Variants in CCSER1 observed in about 807,000 individuals in gnomAD.
CCSER1 encodes serine-rich coiled-coil domain-containing protein 1.
Under a neutral mutation model 82.0 loss-of-function variants are expected in CCSER1, and 41 were observed. That is an observed-to-expected ratio of 0.50 (90% CI 0.39 to 0.65). The LOEUF (loss-of-function observed/expected upper bound fraction) is 0.65, where lower values mean the gene tolerates loss of function less well. Among genes scored for constraint, CCSER1 ranks in the 30% least tolerant of loss-of-function variants. CCSER1 has a pLI of 0.00. For synonymous variants in CCSER1, 414 were observed against 383.9 expected (o/e 1.08, Z -0.92); for missense variants, 1,119 against 1,064.2 (o/e 1.05, Z -0.72).
At chr4:91,036,362 T>C (rs1239897959) in intron 9 of CCSER1, among the ~76,000 whole-genome samples, 3 of 152,196 alleles carry the variant, frequency 2.0e-5, no homozygotes, top group African/African-American at 7.2e-5. Flanking sequence ...TTTCTTTAAA[T>C]CTATAAATTC....
chr4:90,465,032 C>T (rs549468908), intron 4 of CCSER1, among the ~76,000 whole-genome samples: 110 of 152,092 alleles, frequency 7.2e-4, no homozygotes, highest in Non-Finnish European at 1.4e-3. Context: ...GGTGTGATCT[C>T]GGCTCACTGC....
chr4:90,638,427 C>A (rs1725832798), intron 6 of CCSER1, among the ~76,000 whole-genome samples: 1 of 152,026 alleles, frequency 6.6e-6, no homozygotes, highest in Non-Finnish European at 1.5e-5. Flanking sequence ...ACAACAATGA[C>A]CATTTATCAT....
At chr4:91,576,534 T>C (rs1034038409) in intron 10 of CCSER1, among the ~76,000 whole-genome samples, 17 of 151,986 alleles carry the variant, frequency 1.1e-4, no homozygotes, top group African/African-American at 4.1e-4. Context: ...TAGTAGGTCT[T>C]AGATACAGGT....
intron 10 of CCSER1, among the ~76,000 whole-genome samples, 169 bp downstream of exon 10, chr4:91,086,163 A>G (rs1282255375): frequency 6.6e-6 from 1 of 152,090 alleles, no homozygotes; most frequent in Non-Finnish European, 1.5e-5. Flanking sequence ...AGCATATTTT[A>G]CATGTTTATG....
At chr4:90,996,500 A>G (rs1380300460) in intron 9 of CCSER1, among the ~76,000 whole-genome samples, 1 of 152,122 alleles carries the variant, frequency 6.6e-6, no homozygotes, top group Non-Finnish European at 1.5e-5. Flanking sequence ...AATAGATTGA[A>G]ATAGTACAAC....
chr4:90,348,280 A>C (rs904921352), intron 3 of CCSER1, among the ~76,000 whole-genome samples: 1 of 152,224 alleles, frequency 6.6e-6, no homozygotes, highest in African/African-American at 2.4e-5. Context: ...AAAGTTAAAA[A>C]AAAGGTATCA....
At chr4:90,840,633 A>T (rs998523045) in intron 8 of CCSER1, among the ~76,000 whole-genome samples, 6 of 152,244 alleles carry the variant, frequency 3.9e-5, no homozygotes, top group Non-Finnish European at 8.8e-5. Flanking sequence ...TTCATAGTTC[A>T]TATATTTTAT....
At chr4:90,685,238 A>G (rs13113267) in intron 6 of CCSER1, among the ~76,000 whole-genome samples, 135,496 of 151,892 alleles carry the variant, frequency 0.89, 60,490 homozygotes, top group East Asian at 0.99. Context: ...CATCAACTTC[A>G]GGCTAGAACA....
intron 10 of CCSER1, among the ~76,000 whole-genome samples, chr4:91,095,754 G>T (rs923243975): frequency 6.6e-6 from 1 of 152,038 alleles, no homozygotes; most frequent in African/African-American, 2.4e-5. Context: ...GGCCTTCTGA[G>T]CCCCTTTTTT....
chr4:91,130,802 T>C (rs1393434532), intron 10 of CCSER1, among the ~76,000 whole-genome samples: 1 of 151,844 alleles, frequency 6.6e-6, no homozygotes, highest in Non-Finnish European at 1.5e-5. Flanking sequence ...TAAAATGCAA[T>C]GTTAATAATA....
At chr4:90,349,209 G>A (rs1447602399) in intron 3 of CCSER1, among the ~76,000 whole-genome samples, 1 of 151,944 alleles carries the variant, frequency 6.6e-6, no homozygotes, top group Non-Finnish European at 1.5e-5. Context: ...TATTTAGTAG[G>A]CATGAAATTA....
intron 8 of CCSER1, among the ~76,000 whole-genome samples, chr4:90,849,790 TA>T (rs750879193): frequency 0.25 from 19,261 of 77,108 alleles, 1,317 homozygotes; most frequent in South Asian, 0.36. Context: ...CTCCATCTCA[TA>T]AAAAAAAAAA....
At chr4:90,483,870 G>A (rs1357774474) in intron 5 of CCSER1, among the ~76,000 whole-genome samples, 1 of 152,070 alleles carries the variant, frequency 6.6e-6, no homozygotes, top group African/African-American at 2.4e-5. Flanking sequence ...CTCTTCTTGT[G>A]GAGTATCTTT....
intron 1 of CCSER1, among the ~76,000 whole-genome samples, chr4:90,197,324 T>C (rs930605280): frequency 1.3e-5 from 2 of 152,036 alleles, no homozygotes; most frequent in Non-Finnish European, 2.9e-5. Flanking sequence ...TCATATACTG[T>C]TGGTGGGAAT....
At chr4:90,729,355 A>G (rs1744285374) in intron 7 of CCSER1, among the ~76,000 whole-genome samples, 1 of 152,216 alleles carries the variant, frequency 6.6e-6, no homozygotes, top group African/African-American at 2.4e-5. Context: ...TACTTTGATG[A>G]AGATTCAAGT....
At chr4:91,317,362 A>G (rs556913843) in intron 10 of CCSER1, among the ~76,000 whole-genome samples, 1 of 151,892 alleles carries the variant, frequency 6.6e-6, no homozygotes, top group East Asian at 2.0e-4. Flanking sequence ...TAATTTTCTC[A>G]CATCTTTGAG....
chr4:91,058,543 T>G (rs1217382647), intron 9 of CCSER1, among the ~76,000 whole-genome samples: 1 of 152,110 alleles, frequency 6.6e-6, no homozygotes, highest in African/African-American at 2.4e-5. Context: ...CATTTGTTTT[T>G]GGCCAGATTC....
chr4:91,018,714 C>G (rs960077182), intron 9 of CCSER1, among the ~76,000 whole-genome samples: 1 of 151,922 alleles, frequency 6.6e-6, no homozygotes, highest in African/African-American at 2.4e-5. Flanking sequence ...ACACCTGAGT[C>G]CTTTCTCATG....
At chr4:91,496,113 T>A (rs561473928) in intron 10 of CCSER1, among the ~76,000 whole-genome samples, 3 of 151,664 alleles carry the variant, frequency 2.0e-5, no homozygotes, top group East Asian at 3.9e-4. Flanking sequence ...TCTCTAAGTG[T>A]CAACAGATGA....
Sources: gnomAD v4.1 joint callset for allele counts (sites outside exome capture counted in the v4.1 genomes callset) on GRCh38, gnomAD v4.1.1 for gene constraint, MANE v1.5 for transcripts, NCBI Gene and HGNC (gene_info 2026-07-23, HGNC 2026-07-21) for gene names.